Variants in MYPN observed in about 807,000 individuals in gnomAD.
The protein encoded by MYPN is sarcomeric protein myopalladin, 145 kDa (MYOP).
MYPN carries 63 observed loss-of-function variants against 129.4 expected under a neutral mutation model. The ratio of observed to expected loss-of-function variants is 0.49; its 90% CI spans 0.40 to 0.60. MYPN has a LOEUF of 0.60. Ranked by LOEUF, MYPN falls within the 20% of genes least tolerant of loss-of-function variation. The probability of loss-of-function intolerance (pLI) is 0.00; values close to 1 mark genes in which losing one functional copy is unlikely to be tolerated. For missense variants in MYPN, 1,596 were observed against 1,635.4 expected, an observed-to-expected ratio of 0.98 and a Z score of 0.42; for synonymous variants, 629 against 600.9, an observed-to-expected ratio of 1.05 and a Z score of -0.68.
intron 2 of MYPN, among the ~76,000 whole-genome samples, chr10:68,139,474 A>G (rs1304330690): frequency 6.6e-6 from 1 of 152,142 alleles, no homozygotes; most frequent in East Asian, 1.9e-4. Context: ...TTGTACCTTT[A>G]AAAAATTCTT....
At chr10:68,164,993 T>C (rs746829037) in intron 8 of MYPN, among the ~76,000 whole-genome samples, 6 of 152,258 alleles carry the variant, frequency 3.9e-5, no homozygotes, top group South Asian at 4.1e-4. Flanking sequence ...GATCTAGGCT[T>C]AGAAAATGTT....
chr10:68,125,404 A>G (rs1046279274), intron 2 of MYPN, among the ~76,000 whole-genome samples: 13 of 152,208 alleles, frequency 8.5e-5, no homozygotes, highest in African/African-American at 3.1e-4. Flanking sequence ...ACTTAATTTT[A>G]TGACTGCAAT....
At chr10:68,170,382 T>C (rs903222124) in intron 10 of MYPN, among the ~76,000 whole-genome samples, 7 of 152,204 alleles carry the variant, frequency 4.6e-5, no homozygotes, top group Admixed American at 2.6e-4. Context: ...CTTGTATATA[T>C]GTATATGTTT....
intron 16 of MYPN, among the ~76,000 whole-genome samples, chr10:68,198,336 T>C (rs1167597424): frequency 6.6e-6 from 1 of 152,230 alleles, no homozygotes; most frequent in Non-Finnish European, 1.5e-5. Flanking sequence ...CTCATACTAA[T>C]CAACCTCCAT....
At chr10:68,190,851 T>G (rs1351284578) in intron 13 of MYPN, among the ~76,000 whole-genome samples, 1 of 152,250 alleles carries the variant, frequency 6.6e-6, no homozygotes, top group Non-Finnish European at 1.5e-5. Flanking sequence ...GTATTTAGAC[T>G]GGATTTTTTT....
intron 2 of MYPN, among the ~76,000 whole-genome samples, chr10:68,123,228 T>A (rs2042273714): frequency 6.8e-6 from 1 of 147,928 alleles, no homozygotes; most frequent in Non-Finnish European, 1.5e-5. Context: ...TACAAAAAAA[T>A]TTAGCCGGGC....
intron 10 of MYPN, among the ~76,000 whole-genome samples, chr10:68,167,583 T>TAA (rs10712187): frequency 2.0e-5 from 3 of 151,942 alleles, no homozygotes; most frequent in African/African-American, 7.3e-5. Flanking sequence ...ATCAAAATGA[T>TAA]AAAAAAATTG....
intron 2 of MYPN, among the ~76,000 whole-genome samples, chr10:68,122,705 C>CA (rs775493647): frequency 1.4e-4 from 21 of 151,948 alleles, no homozygotes; most frequent in Non-Finnish European, 2.6e-4. Context: ...AGCTCGAGAC[C>CA]AGCCTGACCA....
Position 68,123,097 on chromosome 10 carries a change from G to A in MYPN, c.902+757G>A, listed in dbSNP as rs569613792. ...AGGGAATACAACCTTCATTTTGGCC[G>A]GGCGCAGTGGCTCCAGCGTATAATC... On this transcript the variant is annotated intron_variant, in intron 2 of 19. Transcript: ENST00000358913. 7.9e-5 allele frequency among the ~76,000 whole-genome samples: 12 copies of A among 151,898 alleles called. No individual in the cohort carries two copies. In the South Asian group the frequency reaches 1.9e-3, roughly 24 times the overall value.
intron 3 of MYPN, 53 bp downstream of exon 3, chr10:68,143,168 T>C (rs2042604371): frequency 2.6e-6 from 4 of 1,538,638 alleles, no homozygotes; most frequent in Non-Finnish European, 3.6e-6. Context: ...CATTTAGTTA[T>C]AATAAATAAA....
intron 1 of MYPN, among the ~76,000 whole-genome samples, chr10:68,110,846 A>T (rs1280755059): frequency 6.6e-6 from 1 of 152,212 alleles, no homozygotes; most frequent in Non-Finnish European, 1.5e-5. Flanking sequence ...CCATCCCAAG[A>T]AATCTGAAAT....
rs576373869 is a variant in MYPN, at chr10:68,210,806, G to A, written c.*351G>A. The A allele has an allele frequency of 1.8e-4, 86 of 467,926 alleles. No individual in the cohort carries two copies. Among genetic ancestry groups the A allele is most frequent in the African/African-American group, 1.5e-3 (77 of 50,696 alleles). 29.0% of individuals were successfully genotyped at this position (467,926 alleles called of 1,614,324 possible). On this transcript the variant is annotated 3_prime_UTR_variant, in exon 20 of 20. Coordinates refer to ENST00000358913, the MANE Select transcript of MYPN (RefSeq NM_032578.4). ...TACTAGGAGCAATTAGGAGCCATAT[G>A]CCTGGGCTGAGAAGAGCTAGGCAGT...
intron 2 of MYPN, among the ~76,000 whole-genome samples, chr10:68,124,963 G>A (rs933347463): frequency 1.1e-4 from 16 of 152,086 alleles, no homozygotes; most frequent in Admixed American, 8.5e-4. Flanking sequence ...TAAGTAAGCT[G>A]GTGAGCACTC....
intron 12 of MYPN, among the ~76,000 whole-genome samples, chr10:68,183,375 T>C (rs2043369552): frequency 6.6e-6 from 1 of 151,988 alleles, no homozygotes; most frequent in Non-Finnish European, 1.5e-5. Context: ...GGTGGGAAGA[T>C]GGCTTGCGCC....
At position 68,182,373 on chromosome 10, in the gene MYPN, C is replaced by CAT. The variant is rs1384374220; in HGVS notation, c.2704-6526_2704-6525dup. On this transcript the variant is annotated intron_variant, in intron 12 of 19. Coordinates refer to ENST00000358913, the MANE Select transcript of MYPN (RefSeq NM_032578.4). ...ACATATATATAACACATATATATAA[C>CAT]ATATATAACACATATATAACATATA... Among the ~76,000 whole-genome samples, 278 of 95,708 alleles carry CAT rather than the reference C, an allele frequency of 2.9e-3. 8 individuals carry two copies. The highest frequency in any genetic ancestry group is 9.3e-3 in the African/African-American group (260 of 27,858). 62.8% of individuals were successfully genotyped at this position (95,708 alleles called of 152,430 possible). A position where few individuals can be genotyped will look rare whatever the true frequency, so the allele number is the denominator to read the frequency against.
chr10:68,174,386 T>G lies in MYPN; in HGVS notation c.2294T>G (p.Val765Gly), dbSNP rs759184337. Residue 765 changes from valine to glycine, a missense_variant, in exon 11 of 20, where the codon GTG becomes GGG. By Grantham distance (109) the Val-to-Gly change is moderately radical. Transcript: ENST00000358913. ...ACAGTGAGCAAAGAAAGCCTCTTAGTGTCTCACCCCTCTGTGCAAACCAAA... is the reference window on the plus strand; with the variant it reads ...ACAGTGAGCAAAGAAAGCCTCTTAGGGTCTCACCCCTCTGTGCAAACCAAA... ...QRTVSKESLLVSHPSVQTKSP... is the reference protein window; with the variant it reads ...QRTVSKESLLGSHPSVQTKSP... 11 of 1,614,140 alleles carry G rather than the reference T, an allele frequency of 6.8e-6. No individual in the cohort carries two copies. The highest frequency in any genetic ancestry group is 9.3e-6 in the Non-Finnish European group (11 of 1,180,036).
intron 18 of MYPN, among the ~76,000 whole-genome samples, chr10:68,202,944 T>G (rs2043743380): frequency 6.6e-6 from 1 of 152,156 alleles, no homozygotes; most frequent in Admixed American, 6.5e-5. Flanking sequence ...GGGTTAATGC[T>G]CCAATCTAAC....
At chr10:68,186,676 TC>T (rs1289424315) in intron 12 of MYPN, among the ~76,000 whole-genome samples, 3 of 152,220 alleles carry the variant, frequency 2.0e-5, no homozygotes, top group Non-Finnish European at 4.4e-5. Context: ...ATTCTTCAGA[TC>T]TTATTGAGCG....
upstream of MYPN, among the ~76,000 whole-genome samples, chr10:68,103,544 A>T (rs533137705): frequency 1.3e-5 from 2 of 152,238 alleles, no homozygotes; most frequent in Admixed American, 6.5e-5. Context: ...TATGAAAATC[A>T]TGATGAATTT....
Sources: gnomAD v4.1 joint callset for allele counts (sites outside exome capture counted in the v4.1 genomes callset) on GRCh38, gnomAD v4.1.1 for gene constraint, MANE v1.5 for transcripts, NCBI Gene and HGNC (gene_info 2026-07-23, HGNC 2026-07-21) for gene names.